Variants in EXOC6B observed in about 807,000 individuals in gnomAD.
EXOC6B encodes SEC15 homolog B.
A neutral mutation model predicts 113.5 loss-of-function variants in EXOC6B; 54 were observed. The observed-to-expected ratio is 0.48, with a 90% CI of 0.38 to 0.60. The LOEUF is 0.60. EXOC6B is among the 20% of genes least tolerant of loss of function. The probability of loss-of-function intolerance (pLI) is 0.00; values close to 1 mark genes in which losing one functional copy is unlikely to be tolerated. For missense variants in EXOC6B, 797 were observed against 977.5 expected, an observed-to-expected ratio of 0.82 and a Z score of 2.46; for synonymous variants, 357 against 339.0, an observed-to-expected ratio of 1.05 and a Z score of -0.58.
chr2:72,677,153 T>C (rs554270569), intron 6 of EXOC6B, among the ~76,000 whole-genome samples: 19 of 152,280 alleles, frequency 1.2e-4, no homozygotes, highest in African/African-American at 4.6e-4. Context: ...AAATCTCTAA[T>C]CTGATTCTCA....
intron 18 of EXOC6B, among the ~76,000 whole-genome samples, chr2:72,447,827 T>A: frequency 6.6e-6 from 1 of 152,176 alleles, no homozygotes; most frequent in East Asian, 1.9e-4. Context: ...ACTTATTATA[T>A]GCAATCTTAC....
chr2:72,409,005 C>T (rs1693983416), intron 18 of EXOC6B, among the ~76,000 whole-genome samples: 1 of 151,918 alleles, frequency 6.6e-6, no homozygotes, highest in African/African-American at 2.4e-5. Context: ...ACAATGAACT[C>T]AAACAAATTT....
intron 18 of EXOC6B, among the ~76,000 whole-genome samples, chr2:72,406,875 G>C (rs971218596): frequency 1.3e-5 from 2 of 152,070 alleles, no homozygotes; most frequent in Admixed American, 6.5e-5. Flanking sequence ...GAAGGAATCA[G>C]AGACACAAAA....
At chr2:72,631,491 G>T (rs866409530) in intron 6 of EXOC6B, among the ~76,000 whole-genome samples, 18 of 117,316 alleles carry the variant, frequency 1.5e-4, no homozygotes, top group South Asian at 6.1e-4. Context: ...GAGAGAGAGA[G>T]AGAGAGAGAG....
chr2:72,512,798 TATA>T (rs1395912652), intron 11 of EXOC6B, among the ~76,000 whole-genome samples: 1 of 151,718 alleles, frequency 6.6e-6, no homozygotes, highest in East Asian at 1.9e-4. Context: ...ATAAGGTAAA[TATA>T]ATAATAATAA....
intron 6 of EXOC6B, among the ~76,000 whole-genome samples, chr2:72,586,746 G>A (rs577134538): frequency 1.5e-4 from 23 of 151,150 alleles, no homozygotes; most frequent in Non-Finnish European, 2.7e-4. Flanking sequence ...GCAAGACTCC[G>A]TCTCAAAAAA....
At chr2:72,224,946 A>G (rs1007600548) in intron 20 of EXOC6B, among the ~76,000 whole-genome samples, 1 of 147,460 alleles carries the variant, frequency 6.8e-6, no homozygotes, top group Non-Finnish European at 1.5e-5. Context: ...CTGTGTATAC[A>G]TATATTTCTG....
At chr2:72,204,881 T>C (rs1679737732) in intron 20 of EXOC6B, among the ~76,000 whole-genome samples, 2 of 152,064 alleles carry the variant, frequency 1.3e-5, no homozygotes, top group African/African-American at 4.8e-5. Flanking sequence ...AGAGAAAACA[T>C]TGCATAGGTG....
chr2:72,313,657 A>G (rs1220617026), intron 20 of EXOC6B, among the ~76,000 whole-genome samples: 2 of 152,174 alleles, frequency 1.3e-5, no homozygotes, highest in Non-Finnish European at 2.9e-5. Flanking sequence ...TAAAAACTCT[A>G]TTACCTCACA....
At chr2:72,434,738 G>C (rs925167358) in intron 18 of EXOC6B, among the ~76,000 whole-genome samples, 2 of 152,188 alleles carry the variant, frequency 1.3e-5, no homozygotes, top group Non-Finnish European at 2.9e-5. Context: ...ATTTCTGTGA[G>C]ATTGGGGGTT....
At chr2:72,668,315 G>A (rs561979448) in intron 6 of EXOC6B, among the ~76,000 whole-genome samples, 1 of 152,250 alleles carries the variant, frequency 6.6e-6, no homozygotes, top group African/African-American at 2.4e-5. Flanking sequence ...CACTATAGGT[G>A]GAAATGTAAA....
chr2:72,405,884 T>C (rs968679150), intron 18 of EXOC6B, among the ~76,000 whole-genome samples: 1 of 152,034 alleles, frequency 6.6e-6, no homozygotes, highest in Non-Finnish European at 1.5e-5. Flanking sequence ...GGCTAAATGC[T>C]CCAATTAAAA....
At chr2:72,201,842 C>T (rs1679513023) in intron 20 of EXOC6B, among the ~76,000 whole-genome samples, 1 of 152,066 alleles carries the variant, frequency 6.6e-6, no homozygotes, top group Admixed American at 6.6e-5. Context: ...AATTGAGAGT[C>T]CAAGTTTACA....
intron 20 of EXOC6B, among the ~76,000 whole-genome samples, chr2:72,252,337 C>G (rs1231450788): frequency 1.3e-5 from 2 of 152,158 alleles, no homozygotes; most frequent in African/African-American, 2.4e-5. Context: ...CACATCCCTA[C>G]TGTCTACTAT....
intron 20 of EXOC6B, among the ~76,000 whole-genome samples, chr2:72,225,465 T>C (rs1227639091): frequency 1.3e-5 from 2 of 152,156 alleles, no homozygotes; most frequent in Non-Finnish European, 2.9e-5. Context: ...ATTATTGGAA[T>C]GAGATAGTGA....
chr2:72,387,404 T>A (rs931463875), intron 18 of EXOC6B, among the ~76,000 whole-genome samples: 13 of 152,208 alleles, frequency 8.5e-5, no homozygotes, highest in Admixed American at 8.5e-4. Flanking sequence ...AGAATTGGTT[T>A]AATTTTTTTC....
At chr2:72,695,480 T>G (rs1211797968) in intron 6 of EXOC6B, among the ~76,000 whole-genome samples, 3 of 152,048 alleles carry the variant, frequency 2.0e-5, no homozygotes, top group African/African-American at 7.2e-5. Flanking sequence ...TCTTTAAGGT[T>G]TTTTTTTGAA....
At chr2:72,614,682 T>C (rs1671282538) in intron 6 of EXOC6B, among the ~76,000 whole-genome samples, 1 of 152,142 alleles carries the variant, frequency 6.6e-6, no homozygotes, top group Non-Finnish European at 1.5e-5. Context: ...GTAAAAACGT[T>C]AGCTAAAATA....
At chr2:72,803,851 T>C (rs181879536) in intron 1 of EXOC6B, among the ~76,000 whole-genome samples, 1 of 152,298 alleles carries the variant, frequency 6.6e-6, no homozygotes, top group Admixed American at 6.5e-5. Flanking sequence ...AAGCTATAAA[T>C]GGCACAACCT....
Sources: allele counts gnomAD v4.1 joint callset (sites outside exome capture counted in the v4.1 genomes callset), GRCh38; gene constraint gnomAD v4.1.1; transcripts MANE v1.5; gene names NCBI Gene and HGNC (gene_info 2026-07-23, HGNC 2026-07-21).